Variants in TNS1 observed in about 807,000 individuals in gnomAD.
TNS1 encodes the protein tensin 1.
In TNS1, 62 loss-of-function variants were observed where a neutral mutation model predicts 168.6. The observed-to-expected ratio is 0.37, with a 90% CI of 0.30 to 0.45. The LOEUF is 0.45. Among genes scored for constraint, TNS1 ranks in the 20% least tolerant of loss-of-function variants. The pLI is 1.00. For synonymous variants in TNS1, 934 were observed against 933.2 expected, an observed-to-expected ratio of 1.00 and a Z score of -0.02; for missense variants, 2,240 against 2,339.4, an observed-to-expected ratio of 0.96 and a Z score of 0.88.
intron 4 of TNS1, among the ~76,000 whole-genome samples, chr2:217,919,020 T>C (rs543354923): frequency 9.9e-5 from 15 of 152,130 alleles, no homozygotes; most frequent in Non-Finnish European, 1.6e-4. Flanking sequence ...AGCCCGAGCG[T>C]GCAGAGCAGT....
chr2:218,008,942 TA>T (rs1318316771), intron 1 of TNS1, among the ~76,000 whole-genome samples: 1 of 152,246 alleles, frequency 6.6e-6, no homozygotes, highest in Non-Finnish European at 1.5e-5. Flanking sequence ...TTAAACACTT[TA>T]AATGCATTAC....
intron 2 of TNS1, among the ~76,000 whole-genome samples, chr2:217,980,329 T>TCAG (rs1958011290): frequency 6.6e-6 from 1 of 152,002 alleles, no homozygotes; most frequent in Non-Finnish European, 1.5e-5. Flanking sequence ...TCCCTCTCCC[T>TCAG]CAGCACCACC....
At chr2:217,938,621 C>G (rs1425615316) in intron 3 of TNS1, among the ~76,000 whole-genome samples, 6 of 152,210 alleles carry the variant, frequency 3.9e-5, no homozygotes, top group Admixed American at 6.5e-5. Context: ...ATGGGTGTAG[C>G]CCATGGTCCA....
chr2:217,941,450 A>G (rs1347936343), intron 3 of TNS1, among the ~76,000 whole-genome samples: 2 of 152,234 alleles, frequency 1.3e-5, no homozygotes, highest in African/African-American at 4.8e-5. Flanking sequence ...CGGACCTGGT[A>G]GGCAGTTGAG....
chr2:217,975,943 A>G (rs1019416393), intron 3 of TNS1, among the ~76,000 whole-genome samples: 9 of 152,042 alleles, frequency 5.9e-5, no homozygotes, highest in East Asian at 1.9e-4. Context: ...TGGAAATCCA[A>G]TCGCGTCCCT....
In TNS1 at chr2:217,847,717, A is replaced by T; in HGVS notation, c.2800T>A (p.Phe934Ile). Residue 934 changes from phenylalanine to isoleucine, a missense_variant, in exon 19 of 33, where the codon TTC (phenylalanine) becomes ATC (isoleucine). Phe to Ile is a conservative substitution (Grantham distance 21). Coordinates refer to ENST00000682258, the MANE Select transcript of TNS1 (RefSeq NM_001387777.1). The part of the protein sequence containing the change: ...QPCLAGPNQD[F>I]HSKSPASSSL... ...GAAGAGGCTGGGCTCTTTGAATGGA[A>T]ATCCTGGTTAGGCCCAGCCAAACAT... 3.7e-6 allele frequency: 6 copies of T among 1,605,870 alleles called. No individual in the cohort carries two copies. The highest frequency in any genetic ancestry group is 5.1e-6 in the Non-Finnish European group (6 of 1,173,398).
At position 217,939,012 on chromosome 2, in the gene TNS1, CAA is replaced by C. The variant is rs1235992370; in HGVS notation, c.187-18778_187-18777del. On this transcript the variant is annotated intron_variant, in intron 3 of 32. Coordinates refer to ENST00000682258, the MANE Select transcript of TNS1 (RefSeq NM_001387777.1). ...TCATCTTAGAGATGGAACAACAAGA[CAA>C]GAGAGAGAGAACTCCATCACCACCA... 1.2e-4 allele frequency among the ~76,000 whole-genome samples: 18 copies of C among 152,154 alleles called. No homozygotes were observed. The East Asian group carries it at 3.5e-3, about 29-fold the overall frequency.
chr2:217,953,437 T>A (rs1387439372), intron 3 of TNS1, among the ~76,000 whole-genome samples: 1 of 152,204 alleles, frequency 6.6e-6, no homozygotes, highest in East Asian at 1.9e-4. Context: ...GGCCATTAAC[T>A]GCAAATTAAA....
At chr2:217,883,032 G>A (rs973497630) in intron 16 of TNS1, among the ~76,000 whole-genome samples, 1 of 152,140 alleles carries the variant, frequency 6.6e-6, no homozygotes, top group African/African-American at 2.4e-5. Context: ...CTGGGCTCAA[G>A]CAATCCACCG....
chr2:217,866,458 G>A (rs540730661), intron 18 of TNS1, among the ~76,000 whole-genome samples: 2 of 152,264 alleles, frequency 1.3e-5, no homozygotes, highest in South Asian at 2.1e-4. Flanking sequence ...CTTGTCTGAG[G>A]CTATTTCTGC....
chr2:217,951,835 C>G (rs1406795311), intron 3 of TNS1, among the ~76,000 whole-genome samples: 1 of 152,232 alleles, frequency 6.6e-6, no homozygotes, highest in East Asian at 1.9e-4. Flanking sequence ...GCTAGACGTC[C>G]CCAGGTTTTT....
At chr2:217,961,502 C>T (rs1428748474) in intron 3 of TNS1, among the ~76,000 whole-genome samples, 2 of 152,158 alleles carry the variant, frequency 1.3e-5, no homozygotes, top group South Asian at 4.1e-4. Context: ...CTTTCTCACT[C>T]TGGCTTAAAG....
intron 30 of TNS1, among the ~76,000 whole-genome samples, chr2:217,809,249 A>G (rs867445178): frequency 3.2e-4 from 20 of 63,256 alleles, no homozygotes; most frequent in African/African-American, 5.6e-4. Context: ...GGATGGATGG[A>G]TGCATGGATG....
chr2:218,010,634 C>G (rs1191658194), upstream of TNS1, among the ~76,000 whole-genome samples: 18 of 150,916 alleles, frequency 1.2e-4, no homozygotes, highest in Non-Finnish European at 1.9e-4. Flanking sequence ...AGGCGGCGCC[C>G]GGCGCCGGGC....
At chr2:217,928,965 T>G (rs1392585872) in intron 3 of TNS1, among the ~76,000 whole-genome samples, 2 of 152,048 alleles carry the variant, frequency 1.3e-5, no homozygotes, top group Admixed American at 6.5e-5. Context: ...CAGGTCCACA[T>G]AAGGGCCACT....
At chr2:217,874,355 G>T (rs1375956049) in intron 18 of TNS1, among the ~76,000 whole-genome samples, 2 of 152,170 alleles carry the variant, frequency 1.3e-5, no homozygotes, top group Non-Finnish European at 2.9e-5. Flanking sequence ...ACAGTCAGTG[G>T]TGCCTGGCAC....
chr2:217,806,435 C>G (rs555875750), intron 32 of TNS1, among the ~76,000 whole-genome samples: 40 of 152,308 alleles, frequency 2.6e-4, no homozygotes, highest in Non-Finnish European at 4.1e-4. Context: ...CCCCACCCAT[C>G]AAAGCTTCTT....
intron 3 of TNS1, among the ~76,000 whole-genome samples, chr2:217,970,000 T>TA (rs956079522): frequency 0.019 from 2,717 of 145,316 alleles, 77 homozygotes; most frequent in African/African-American, 0.06. Flanking sequence ...CAGTTCCTGA[T>TA]AAAAAAAAAA....
chr2:217,835,278 G>A (rs751095972), intron 20 of TNS1, 112 bp from the exon 21 acceptor site: 29 of 999,388 alleles, frequency 2.9e-5, no homozygotes, highest in South Asian at 4.6e-5. Flanking sequence ...ACATCCCCTC[G>A]TCAGCCTGGC....
Sources: gnomAD v4.1 joint callset for allele counts (sites outside exome capture counted in the v4.1 genomes callset) on GRCh38, gnomAD v4.1.1 for gene constraint, MANE v1.5 for transcripts, NCBI Gene and HGNC (gene_info 2026-07-23, HGNC 2026-07-21) for gene names.